Variants in NEK11 observed in about 807,000 individuals in gnomAD.
NEK11 encodes the protein NIMA related kinase 11, also known as serine/threonine-protein kinase Nek11.
In NEK11, 72 loss-of-function variants were observed where a neutral mutation model predicts 80.7. The observed-to-expected ratio is 0.89, with a 90% CI of 0.74 to 1.08. The LOEUF (loss-of-function observed/expected upper bound fraction) is 1.08, where lower values mean the gene tolerates loss of function less well. Ranked by LOEUF, NEK11 falls within the 50% of genes least tolerant of loss-of-function variation. NEK11 has a pLI of 0.00. For synonymous variants in NEK11, 251 were observed against 260.7 expected (o/e 0.96, Z 0.36); for missense variants, 764 against 763.6 (o/e 1.00, Z -0.01).
At chr3:131,175,990 C>T (rs994242940) in intron 14 of NEK11, among the ~76,000 whole-genome samples, 5 of 152,156 alleles carry the variant, frequency 3.3e-5, no homozygotes, top group Non-Finnish European at 7.3e-5. Flanking sequence ...AGCTGAACAA[C>T]GTTGTCTTCC....
chr3:131,274,152 C>G (rs2096251407), intron 17 of NEK11, among the ~76,000 whole-genome samples: 1 of 136,152 alleles, frequency 7.3e-6, no homozygotes. Flanking sequence ...TATTCCCCTT[C>G]CTGTGTCCAT....
chr3:131,036,840 C>A (rs982550736), intron 3 of NEK11, among the ~76,000 whole-genome samples: 1 of 152,124 alleles, frequency 6.6e-6, no homozygotes, highest in African/African-American at 2.4e-5. Flanking sequence ...GATCCTTGTA[C>A]TAGGCAAAGG....
At chr3:131,174,184 AAAG>A (rs2092869787) in intron 14 of NEK11, among the ~76,000 whole-genome samples, 1 of 152,192 alleles carries the variant, frequency 6.6e-6, no homozygotes, top group East Asian at 1.9e-4. Context: ...AAAAGTAAAA[AAAG>A]AAGAAAAAAA....
chr3:131,082,195 T>A (rs1427735661), intron 4 of NEK11, among the ~76,000 whole-genome samples: 2 of 152,032 alleles, frequency 1.3e-5, no homozygotes, highest in African/African-American at 4.8e-5. Context: ...TATTGAATAT[T>A]TACTCTGGCA....
chr3:131,272,497 A>C (rs371648600), intron 16 of NEK11, among the ~76,000 whole-genome samples: 8 of 38,770 alleles, frequency 2.1e-4, no homozygotes, highest in African/African-American at 5.1e-4. Context: ...TTTTTTTGAG[A>C]CAGAGCCTTG....
chr3:131,327,105 A>C (rs2096980378), intron 17 of NEK11: 1 of 152,310 alleles, frequency 6.6e-6, no homozygotes, highest in African/African-American at 2.4e-5. Flanking sequence ...CTGAGAAATA[A>C]ATTCTAATAT....
intron 17 of NEK11, among the ~76,000 whole-genome samples, chr3:131,305,226 G>A (rs1276523882): frequency 6.6e-6 from 1 of 152,042 alleles, no homozygotes; most frequent in Non-Finnish European, 1.5e-5. Flanking sequence ...GAAGGTCATT[G>A]GTGAGTGCGT....
At chr3:131,288,992 G>A (rs2096512665) in intron 17 of NEK11, among the ~76,000 whole-genome samples, 1 of 152,190 alleles carries the variant, frequency 6.6e-6, no homozygotes, top group South Asian at 2.1e-4. Context: ...CTACTCATCA[G>A]AACTCATCAG....
intron 14 of NEK11, among the ~76,000 whole-genome samples, chr3:131,204,010 G>A (rs114193364): frequency 0.013 from 1,994 of 151,836 alleles, 38 homozygotes; most frequent in African/African-American, 0.045. Flanking sequence ...AGAAAGAGAT[G>A]CTGCATAGAG....
chr3:131,188,695 A>C (rs1455421864), intron 14 of NEK11, among the ~76,000 whole-genome samples: 1 of 152,170 alleles, frequency 6.6e-6, no homozygotes, highest in Non-Finnish European at 1.5e-5. Context: ...TTTCATCAAC[A>C]GTCAATCTTC....
intron 17 of NEK11, among the ~76,000 whole-genome samples, chr3:131,317,141 G>A (rs968814685): frequency 8.5e-5 from 13 of 152,148 alleles, no homozygotes; most frequent in Non-Finnish European, 7.4e-5. Flanking sequence ...GCTGCAGTTT[G>A]TGGGCACCCT....
intron 14 of NEK11, among the ~76,000 whole-genome samples, chr3:131,203,232 T>C (rs2094309415): frequency 1.3e-5 from 2 of 152,080 alleles, no homozygotes; most frequent in Non-Finnish European, 2.9e-5. Flanking sequence ...ATATACACCA[T>C]GGAATACTAT....
intron 3 of NEK11, among the ~76,000 whole-genome samples, chr3:131,039,982 A>G (rs1255604570): frequency 2.0e-5 from 3 of 152,160 alleles, no homozygotes; most frequent in South Asian, 2.1e-4. Context: ...ATTAAGAGTA[A>G]TTTGTACATC....
intron 3 of NEK11, 51 bp downstream of exon 3, chr3:131,029,929 A>G (rs778094499): frequency 1.3e-6 from 2 of 1,551,796 alleles, no homozygotes; most frequent in South Asian, 2.2e-5. Flanking sequence ...TTTTGTTTGC[A>G]GGTCTTAGCT....
At chr3:131,278,850 T>A (rs2096348433) in intron 17 of NEK11, among the ~76,000 whole-genome samples, 1 of 152,248 alleles carries the variant, frequency 6.6e-6, no homozygotes, top group Admixed American at 6.5e-5. Context: ...GTCCCTGACC[T>A]GCACCAGGGA....
At position 131,243,476 on chromosome 3, in the gene NEK11, T is replaced by C; in HGVS notation, c.1601T>C (p.Val534Ala). 1 of 1,612,898 alleles carries C rather than the reference T, an allele frequency of 6.2e-7. No homozygotes were observed. The highest frequency in any genetic ancestry group is 8.5e-7 in the Non-Finnish European group (1 of 1,179,274). ...IEALARCLEN[V>A]LGCTSLDTKT... The stretch of plus-strand genomic sequence containing the variant: ...GCGTTGGCCAGGTGTTTGGAAAATG[T>C]CCTGGGTTGCACTTCTCTAGGTGAG... The change falls in exon 16 of 18, where the codon GTC becomes GCC. Residue 534 changes from valine (V) to alanine (A), a missense_variant. Val to Ala is a moderately conservative substitution (Grantham distance 64, BLOSUM62 0). Coordinates refer to ENST00000383366, the MANE Select transcript of NEK11 (RefSeq NM_024800.5).
intron 17 of NEK11, among the ~76,000 whole-genome samples, chr3:131,275,724 C>T (rs1399608428): frequency 6.6e-6 from 1 of 152,156 alleles, no homozygotes; most frequent in East Asian, 1.9e-4. Flanking sequence ...ACTTAGAAGC[C>T]AGCCAGAGAG....
intron 3 of NEK11, among the ~76,000 whole-genome samples, chr3:131,068,610 T>C (rs1165787968): frequency 6.6e-6 from 1 of 152,158 alleles, no homozygotes; most frequent in Non-Finnish European, 1.5e-5. Flanking sequence ...GCAGAGCTCC[T>C]GTAGACAACT....
At chr3:131,126,959 C>CTTTTTTTTTTTTTTTTTTTTTTTTT (rs71133688) in intron 5 of NEK11, among the ~76,000 whole-genome samples, 1 of 90,118 alleles carries the variant, frequency 1.1e-5, no homozygotes, top group African/African-American at 4.7e-5. Flanking sequence ...TTCTTTCTTT[C>CTTTTTTTTTTTTTTTTTTTTTTTTT]TTTTTTTTTT....
Sources: gnomAD v4.1 joint callset for allele counts (sites outside exome capture counted in the v4.1 genomes callset) on GRCh38, gnomAD v4.1.1 for gene constraint, MANE v1.5 for transcripts, NCBI Gene and HGNC (gene_info 2026-07-23, HGNC 2026-07-21) for gene names.